The following CFAP299 variants were observed in gnomAD, a reference collection of about 807,000 sequenced individuals.
CFAP299 encodes the protein cilia- and flagella-associated protein 299.
A neutral mutation model predicts 27.0 loss-of-function variants in CFAP299; 21 were observed. The observed-to-expected ratio is 0.78, with a 90% CI of 0.55 to 1.12. The LOEUF (loss-of-function observed/expected upper bound fraction) is 1.12. Ranked by LOEUF, CFAP299 falls within the 50% of genes most tolerant of loss-of-function variation. The pLI is 0.00. For synonymous variants in CFAP299, 104 were observed against 98.1 expected (o/e 1.06, Z -0.36); for missense variants, 310 against 276.6 (o/e 1.12, Z -0.86).
intron 2 of CFAP299, among the ~76,000 whole-genome samples, chr4:80,421,865 G>A (rs1398065985): frequency 6.6e-6 from 1 of 152,132 alleles, no homozygotes; most frequent in Non-Finnish European, 1.5e-5. Context: ...TTCAAAGAAT[G>A]CCACTATATA....
At chr4:80,631,174 G>A (rs1739184968) in intron 3 of CFAP299, among the ~76,000 whole-genome samples, 1 of 151,932 alleles carries the variant, frequency 6.6e-6, no homozygotes, top group Non-Finnish European at 1.5e-5. Context: ...TATGAAAGTT[G>A]CCATTATTCA....
At chr4:80,346,037 A>G (rs897553292) in intron 1 of CFAP299, among the ~76,000 whole-genome samples, 18 of 152,060 alleles carry the variant, frequency 1.2e-4, no homozygotes, top group African/African-American at 1.2e-4. Context: ...GATGATGAGC[A>G]TTTTTCATGT....
intron 2 of CFAP299, among the ~76,000 whole-genome samples, chr4:80,403,256 T>A (rs1172967661): frequency 6.6e-6 from 1 of 152,228 alleles, no homozygotes; most frequent in Non-Finnish European, 1.5e-5. Context: ...CTCACAACAA[T>A]AAATAAATTT....
chr4:80,784,171 G>A (rs1389536349), intron 3 of CFAP299, among the ~76,000 whole-genome samples: 1 of 152,130 alleles, frequency 6.6e-6, no homozygotes, highest in Non-Finnish European at 1.5e-5. Flanking sequence ...ACATGGAAAT[G>A]CAAGTATTCT....
At chr4:80,631,528 C>G (rs1204994302) in intron 3 of CFAP299, among the ~76,000 whole-genome samples, 1 of 151,810 alleles carries the variant, frequency 6.6e-6, no homozygotes, top group African/African-American at 2.4e-5. Flanking sequence ...AGCATTTTTT[C>G]TTTATGCTTC....
At chr4:80,828,536 T>A (rs1375332505) in intron 3 of CFAP299, among the ~76,000 whole-genome samples, 1 of 152,012 alleles carries the variant, frequency 6.6e-6, no homozygotes, top group Admixed American at 6.6e-5. Context: ...ACTGGTTCCC[T>A]CATGGCTTAT....
At chr4:80,563,416 A>G (rs770763528) in intron 2 of CFAP299, among the ~76,000 whole-genome samples, 4 of 152,160 alleles carry the variant, frequency 2.6e-5, no homozygotes, top group Non-Finnish European at 5.9e-5. Context: ...ATACAAATAC[A>G]TACAAATTAA....
intron 3 of CFAP299, among the ~76,000 whole-genome samples, chr4:80,813,483 A>G (rs1271839972): frequency 6.6e-6 from 1 of 152,006 alleles, no homozygotes; most frequent in Non-Finnish European, 1.5e-5. Flanking sequence ...AATTCTTCAT[A>G]TGTATTTACA....
intron 2 of CFAP299, among the ~76,000 whole-genome samples, chr4:80,426,880 AC>A (rs1434002029): frequency 7.9e-5 from 12 of 152,116 alleles, no homozygotes; most frequent in Admixed American, 7.2e-4. Flanking sequence ...CAAAGAAAAA[AC>A]TTTTTGTGTG....
At chr4:80,516,341 A>G (rs1377565940) in intron 2 of CFAP299, among the ~76,000 whole-genome samples, 1 of 152,096 alleles carries the variant, frequency 6.6e-6, no homozygotes, top group East Asian at 1.9e-4. Context: ...ATTTCTATAA[A>G]GGAATACCTT....
intron 4 of CFAP299, among the ~76,000 whole-genome samples, chr4:80,873,335 C>T (rs749781638): frequency 2.0e-5 from 3 of 152,084 alleles, no homozygotes; most frequent in Admixed American, 2.0e-4. Context: ...TGCATTTTTA[C>T]TGTGGAAAAT....
chr4:80,908,139 T>C (rs1309616676), intron 4 of CFAP299, among the ~76,000 whole-genome samples: 1 of 152,222 alleles, frequency 6.6e-6, no homozygotes, highest in Non-Finnish European at 1.5e-5. Flanking sequence ...ATTTTTCAAC[T>C]CTCATAAATT....
intron 3 of CFAP299, among the ~76,000 whole-genome samples, chr4:80,647,921 G>A (rs1740107191): frequency 6.6e-6 from 1 of 152,068 alleles, no homozygotes; most frequent in Non-Finnish European, 1.5e-5. Context: ...GCTGGGCATG[G>A]CAGCACACAC....
At chr4:80,819,978 GTTGTTT>G (rs1368962599) in intron 3 of CFAP299, among the ~76,000 whole-genome samples, 1 of 152,068 alleles carries the variant, frequency 6.6e-6, no homozygotes, top group Non-Finnish European at 1.5e-5. Flanking sequence ...TGTTGTTGTT[GTTGTTT>G]TTGTTTTTAA....
intron 3 of CFAP299, among the ~76,000 whole-genome samples, chr4:80,663,747 C>T (rs1740990071): frequency 6.6e-6 from 1 of 152,168 alleles, no homozygotes; most frequent in Admixed American, 6.5e-5. Context: ...GGTACACTCC[C>T]ACCAACAGTG....
chr4:80,854,132 TAC>T (rs951181119), intron 3 of CFAP299, among the ~76,000 whole-genome samples: 1 of 152,114 alleles, frequency 6.6e-6, no homozygotes, highest in African/African-American at 2.4e-5. Context: ...ACCTTGAGAA[TAC>T]ACAGTGTCAG....
chr4:80,922,034 C>A (rs912911832), intron 4 of CFAP299, among the ~76,000 whole-genome samples: 3 of 151,814 alleles, frequency 2.0e-5, no homozygotes, highest in African/African-American at 7.3e-5. Context: ...GTTTAAAGTG[C>A]CTGTGGAACA....
At chr4:80,744,128 AT>A (rs1724446030) in intron 3 of CFAP299, among the ~76,000 whole-genome samples, 2 of 152,200 alleles carry the variant, frequency 1.3e-5, no homozygotes, top group African/African-American at 2.4e-5. Context: ...ATGATTTTCT[AT>A]TTTTAAAAAG....
At chr4:80,387,356 T>C in intron 2 of CFAP299, 1 of 1,407,224 alleles carries the variant, frequency 7.1e-7, no homozygotes, top group South Asian at 1.2e-5. Flanking sequence ...CACCTGCTCG[T>C]TCTTATGCTG....
Sources: allele counts gnomAD v4.1 joint callset (sites outside exome capture counted in the v4.1 genomes callset), GRCh38; gene constraint gnomAD v4.1.1; transcripts MANE v1.5; gene names NCBI Gene and HGNC (gene_info 2026-07-23, HGNC 2026-07-21).